Variants in ASAH2 observed in about 807,000 individuals in gnomAD.
ASAH2 encodes neutral ceramidase.
ASAH2 carries 58 observed loss-of-function variants against 82.9 expected under a neutral mutation model. That is an observed-to-expected ratio of 0.70 (90% confidence interval 0.57 to 0.87). The LOEUF (loss-of-function observed/expected upper bound fraction) is 0.87, where lower values mean the gene tolerates loss of function less well. Among genes scored for constraint, ASAH2 ranks in the 40% least tolerant of loss-of-function variants. ASAH2 has a pLI of 0.00. For synonymous variants in ASAH2, 276 were observed against 289.7 expected (o/e 0.95, Z 0.48); for missense variants, 779 against 834.0 (o/e 0.93, Z 0.81).
intron 14 of ASAH2, 54 bp from the exon 15 acceptor site, chr10:50,203,733 A>T: frequency 6.6e-7 from 1 of 1,520,218 alleles, no homozygotes; most frequent in East Asian, 2.3e-5. Flanking sequence ...TATGCAGAGT[A>T]CACAGAAACA....
intron 9 of ASAH2, among the ~76,000 whole-genome samples, chr10:50,214,357 G>T (rs1353874488): frequency 6.6e-6 from 1 of 152,066 alleles, no homozygotes; most frequent in Non-Finnish European, 1.5e-5. Context: ...AGCAATTTAG[G>T]TCTTATATTA....
chr10:50,249,419 A>G (rs1846557538), intron 1 of ASAH2, among the ~76,000 whole-genome samples: 1 of 152,214 alleles, frequency 6.6e-6, no homozygotes, highest in Non-Finnish European at 1.5e-5. Context: ...CAGAGGAACT[A>G]TACAAGTTAA....
intron 9 of ASAH2, among the ~76,000 whole-genome samples, chr10:50,213,330 T>A (rs1359044265): frequency 2.0e-5 from 3 of 152,198 alleles, no homozygotes; most frequent in African/African-American, 7.2e-5. Flanking sequence ...ATTATGCAGG[T>A]ATCTAATATC....
intron 2 of ASAH2, among the ~76,000 whole-genome samples, chr10:50,245,687 C>T (rs1846437538): frequency 6.6e-6 from 1 of 152,162 alleles, no homozygotes; most frequent in Admixed American, 6.5e-5. Flanking sequence ...TATCCTTCAA[C>T]TCCTCATCAC....
At chr10:50,205,950 C>G in intron 13 of ASAH2, 32 bp downstream of exon 13, 2 of 1,486,144 alleles carry the variant, frequency 1.3e-6, no homozygotes, top group Non-Finnish European at 1.9e-6. Context: ...TAACAATATG[C>G]TAATTTCACT....
At chr10:50,241,147 C>T (rs141568509) in intron 4 of ASAH2, among the ~76,000 whole-genome samples, 102 of 152,286 alleles carry the variant, frequency 6.7e-4, no homozygotes, top group Middle Eastern at 3.4e-3. Flanking sequence ...GACCTTCAAG[C>T]CTGGGTCAAG....
chr10:50,203,584 A>C, intron 15 of ASAH2, 56 bp downstream of exon 15: 23 of 778,762 alleles, frequency 3.0e-5, no homozygotes, highest in Non-Finnish European at 4.1e-5. Context: ...GATAGGATAT[A>C]CTTTCCTCTT....
chr10:50,242,714 A>G (rs951946870), intron 4 of ASAH2, among the ~76,000 whole-genome samples: 31 of 152,316 alleles, frequency 2.0e-4, no homozygotes, highest in Admixed American at 1.9e-3. Flanking sequence ...TCAGAATGCT[A>G]TAATGAATCC....
chr10:50,213,907 G>A (rs1420545441), intron 9 of ASAH2, among the ~76,000 whole-genome samples: 2 of 152,124 alleles, frequency 1.3e-5, no homozygotes, highest in East Asian at 3.9e-4. Flanking sequence ...TACAAAAAAA[G>A]CATTATCACA....
At chr10:50,209,020 C>T (rs963713485) in intron 12 of ASAH2, among the ~76,000 whole-genome samples, 3 of 152,070 alleles carry the variant, frequency 2.0e-5, no homozygotes, top group Non-Finnish European at 4.4e-5. Context: ...AACAAGTGTG[C>T]CAAGATTATA....
chr10:50,220,641 G>A (rs1845718319), intron 7 of ASAH2, among the ~76,000 whole-genome samples: 1 of 152,062 alleles, frequency 6.6e-6, no homozygotes. Context: ...TGGAAGGAGG[G>A]AGAAGATTAG....
intron 13 of ASAH2, 91 bp downstream of exon 13, chr10:50,205,891 C>T (rs1845279758): frequency 3.8e-6 from 4 of 1,052,466 alleles, no homozygotes; most frequent in Non-Finnish European, 4.5e-6. Context: ...GACTTCCCAT[C>T]TCAGTAGATA....
At chr10:50,194,010 G>T (rs2133193453) in intron 18 of ASAH2, among the ~76,000 whole-genome samples, 1 of 151,406 alleles carries the variant, frequency 6.6e-6, no homozygotes, top group East Asian at 2.0e-4. Flanking sequence ...AACAAGTAAA[G>T]AAATTGAATT....
At chr10:50,206,871 A>T (rs1845313142) in intron 12 of ASAH2, among the ~76,000 whole-genome samples, 1 of 151,904 alleles carries the variant, frequency 6.6e-6, no homozygotes, top group East Asian at 1.9e-4. Context: ...ACCCAACAAT[A>T]ACAGAATATA....
chr10:50,235,213 A>C (rs890848493), intron 5 of ASAH2, among the ~76,000 whole-genome samples: 1 of 152,138 alleles, frequency 6.6e-6, no homozygotes, highest in Non-Finnish European at 1.5e-5. Flanking sequence ...CATCAATGTA[A>C]AGCAATTTCT....
rs1255571209 is a variant in ASAH2 at position 50,205,319 on chromosome 10, A to G, written c.1531-364T>C. On this transcript the variant is annotated intron_variant, in intron 13 of 20. Transcript: ENST00000682911. ...TATTATAATCGCACTTTAAGTTTAC[A>G]GTTTCCAAGTCTTACTTTATTTTCC... Among the ~76,000 whole-genome samples the G allele has an allele frequency of 2.0e-5, 3 of 152,122 alleles. No homozygotes were observed. In the East Asian group the frequency reaches 5.8e-4, roughly 29 times the overall value.
Position 50,187,162 on chromosome 10 carries a change from AC to A in ASAH2, c.*152del. The A allele has an allele frequency of 6.0e-6, 1 of 166,242 alleles. No individual in the cohort carries two copies. 10.3% of individuals were successfully genotyped at this position (166,242 alleles called of 1,614,324 possible). Reference sequence around the variant, plus strand: ...CACACACACACACACACACACACACACCCCTCCACCCCATTAGCAGTAAACT... The same window carrying A: ...CACACACACACACACACACACACACACCCTCCACCCCATTAGCAGTAAACT... On this transcript the variant is annotated 3_prime_UTR_variant, in exon 21 of 21. Coordinates refer to ENST00000682911, the MANE Select transcript of ASAH2 (RefSeq NM_019893.4).
chr10:50,219,655 C>T (rs1476759734), intron 7 of ASAH2, among the ~76,000 whole-genome samples: 1 of 152,198 alleles, frequency 6.6e-6, no homozygotes, highest in Non-Finnish European at 1.5e-5. Flanking sequence ...CCTACCTAAG[C>T]AATGTAATGC....
At chr10:50,214,990 AAG>A in intron 8 of ASAH2, 122 bp from the exon 9 acceptor site, 1 of 1,245,400 alleles carries the variant, frequency 8.0e-7, no homozygotes. Context: ...AGGCAATAAA[AAG>A]AGGATATAAA....
Sources: allele counts gnomAD v4.1 joint callset (sites outside exome capture counted in the v4.1 genomes callset), GRCh38; gene constraint gnomAD v4.1.1; transcripts MANE v1.5; gene names NCBI Gene and HGNC (gene_info 2026-07-23, HGNC 2026-07-21).